Variants in KLF7 observed in about 807,000 individuals in gnomAD.
KLF7 encodes the protein KLF transcription factor 7.
A neutral mutation model predicts 27.3 loss-of-function variants in KLF7; 2 were observed. That is an observed-to-expected ratio of 0.07 (90% CI 0.03 to 0.23). The LOEUF (loss-of-function observed/expected upper bound fraction) is 0.23. KLF7 is among the 10% of genes least tolerant of loss of function. KLF7 has a pLI of 1.00. For synonymous variants in KLF7, 165 were observed against 162.4 expected, an observed-to-expected ratio of 1.02 and a Z score of -0.12; for missense variants, 221 against 394.1, an observed-to-expected ratio of 0.56 and a Z score of 3.72.
intron 2 of KLF7, among the ~76,000 whole-genome samples, chr2:207,114,610 T>A (rs2077128004): frequency 6.6e-6 from 1 of 152,212 alleles, no homozygotes; most frequent in African/African-American, 2.4e-5. Flanking sequence ...AATCCTGCAT[T>A]TTTTAGGGCA....
chr2:207,135,309 G>C (rs1006128530), intron 1 of KLF7, among the ~76,000 whole-genome samples: 2 of 134,072 alleles, frequency 1.5e-5, no homozygotes, highest in African/African-American at 2.5e-5. Flanking sequence ...TGCTGTCATT[G>C]AGTGGTTAAA....
chr2:207,172,767 A>C, the KLF7 span, among the ~76,000 whole-genome samples: 1 of 152,226 alleles, frequency 6.6e-6, no homozygotes, highest in Non-Finnish European at 1.5e-5. Context: ...TTAACTCTAC[A>C]AATCTCTATT....
chr2:207,110,237 G>A (rs571923940), intron 2 of KLF7, among the ~76,000 whole-genome samples: 13 of 152,350 alleles, frequency 8.5e-5, no homozygotes, highest in African/African-American at 2.9e-4. Flanking sequence ...AAAGCTTCCA[G>A]TATGCTCCTC....
At chr2:207,109,890 C>G (rs1027091217) in intron 2 of KLF7, 1 of 154,808 alleles carries the variant, frequency 6.5e-6, no homozygotes, top group Non-Finnish European at 1.5e-5. Context: ...TCACTAATGG[C>G]AATCTCTTCA....
At chr2:207,085,999 A>G (rs1216950740) in intron 3 of KLF7, among the ~76,000 whole-genome samples, 9 of 151,930 alleles carry the variant, frequency 5.9e-5, no homozygotes, top group African/African-American at 1.9e-4. Context: ...AAAAAAAAAA[A>G]AAACCAAACC....
At position 207,090,488 on chromosome 2, in the gene KLF7, C is replaced by T. The variant is rs189581937; in HGVS notation, c.734-1907G>A. On this transcript the variant is annotated intron_variant, in intron 2 of 3. Coordinates refer to ENST00000309446, the MANE Select transcript of KLF7 (RefSeq NM_003709.4). ...TATAGTGAGGTTTCAATCAGTTGTGCGTAAGAAACGTTTGTTCAGCCTTGC... is the reference window on the plus strand; with the variant it reads ...TATAGTGAGGTTTCAATCAGTTGTGTGTAAGAAACGTTTGTTCAGCCTTGC... Among the ~76,000 whole-genome samples, 12 of 152,196 alleles carry T rather than the reference C, an allele frequency of 7.9e-5. No homozygotes were observed. In the East Asian group the frequency reaches 2.1e-3, roughly 27 times the overall value.
chr2:207,119,937 A>T (rs1053664566), intron 2 of KLF7, among the ~76,000 whole-genome samples: 1 of 152,152 alleles, frequency 6.6e-6, no homozygotes, highest in Non-Finnish European at 1.5e-5. Context: ...CAGGTGATCC[A>T]CCTGCCTAGG....
chr2:207,097,588 G>A lies in KLF7; in HGVS notation c.734-9007C>T, dbSNP rs191777474. On this transcript the variant is annotated intron_variant, in intron 2 of 3. Transcript: ENST00000309446. ...CACGGGACTAAAGAAATCCTTTGGG[G>A]TCATGTGCCATTTTTAACAACTGTT... Among the ~76,000 whole-genome samples, 731 of 152,274 alleles carry A rather than the reference G, an allele frequency of 4.8e-3. 5 individuals carry two copies. Among genetic ancestry groups the A allele is most frequent in the Non-Finnish European group, 6.1e-3 (415 of 68,024 alleles).
At chr2:207,088,645 C>T in intron 2 of KLF7, 64 bp from the exon 3 acceptor site, 1 of 1,549,262 alleles carries the variant, frequency 6.5e-7, no homozygotes, top group Non-Finnish European at 8.8e-7. Context: ...ACCCAACCAG[C>T]CTGTGCTGCC....
intron 3 of KLF7, among the ~76,000 whole-genome samples, chr2:207,085,471 T>C (rs1479347976): frequency 3.3e-5 from 5 of 152,058 alleles, no homozygotes; most frequent in East Asian, 1.9e-4. Flanking sequence ...ACTCTGTGGG[T>C]TGAAAAACCA....
intron 1 of KLF7, among the ~76,000 whole-genome samples, chr2:207,156,553 T>G (rs2078389114): frequency 6.6e-6 from 1 of 152,242 alleles, no homozygotes; most frequent in Admixed American, 6.5e-5. Context: ...AAGGGCCTAC[T>G]GAGAATGAAT....
At chr2:207,135,481 A>G (rs1439455289) in intron 1 of KLF7, among the ~76,000 whole-genome samples, 1 of 77,654 alleles carries the variant, frequency 1.3e-5, no homozygotes, top group East Asian at 2.6e-4. Flanking sequence ...CAAGCCTCAC[A>G]ACATCTAAAA....
At chr2:207,093,854 G>A (rs2076566960) in intron 2 of KLF7, among the ~76,000 whole-genome samples, 1 of 152,186 alleles carries the variant, frequency 6.6e-6, no homozygotes, top group African/African-American at 2.4e-5. Flanking sequence ...TGTTTGCTTG[G>A]TTGCTTAAAT....
chr2:207,113,213 C>T (rs2077081815), intron 2 of KLF7, among the ~76,000 whole-genome samples: 2 of 152,288 alleles, frequency 1.3e-5, no homozygotes, highest in African/African-American at 2.4e-5. Flanking sequence ...TATTACTACT[C>T]ATATCAAAAT....
Position 207,076,642 on chromosome 2 carries a change from TG to T in KLF7, c.*4570del, listed in dbSNP as rs1227950581. 6.6e-6 allele frequency: 1 copy of T among 152,212 alleles called. No individual in the cohort carries two copies. The highest frequency in any genetic ancestry group is 1.5e-5 in the Non-Finnish European group (1 of 68,050). 9.4% of individuals were successfully genotyped at this position (152,212 alleles called of 1,614,324 possible). Reference sequence around the variant, plus strand: ...GTTTCTGCTTCCTTTCACACATTTCTGTTGTTCCATCTCAAGTATTCCCAAA... The same window carrying T: ...GTTTCTGCTTCCTTTCACACATTTCTTTGTTCCATCTCAAGTATTCCCAAA... On this transcript the variant is annotated 3_prime_UTR_variant, in exon 4 of 4. Transcript: ENST00000309446.
chr2:207,169,761 A>G (rs1240104013), upstream of KLF7, among the ~76,000 whole-genome samples: 1 of 152,156 alleles, frequency 6.6e-6, no homozygotes, highest in Non-Finnish European at 1.5e-5. Flanking sequence ...TGATATGGTG[A>G]TCTGTGATCA....
intron 1 of KLF7, among the ~76,000 whole-genome samples, chr2:207,128,186 C>T (rs543763961): frequency 2.0e-5 from 3 of 152,178 alleles, no homozygotes; most frequent in Non-Finnish European, 2.9e-5. Context: ...AGGAAGTGCT[C>T]ATAAAGTGAT....
intron 3 of KLF7, among the ~76,000 whole-genome samples, chr2:207,086,002 A>AC (rs60730549): frequency 1.3e-5 from 2 of 150,884 alleles, no homozygotes; most frequent in Non-Finnish European, 3.0e-5. Flanking sequence ...AAAAAAAAAA[A>AC]CCAAACCAAA....
chr2:207,165,760 G>A lies in KLF7; in HGVS notation c.-192C>T. ...GGAGAGGGAGAGAGGAGGTGAGAGA[G>A]GAGCGAGTGAGTGGGGTGGATGGAG... On this transcript the variant is annotated 5_prime_UTR_variant, in exon 1 of 4. Transcript: ENST00000309446. The A allele has an allele frequency of 7.0e-7, 1 of 1,436,524 alleles. No individual in the cohort carries two copies. The highest frequency in any genetic ancestry group is 9.1e-7 in the Non-Finnish European group (1 of 1,101,146). 89.0% of individuals were successfully genotyped at this position (1,436,524 alleles called of 1,614,324 possible).
Sources: allele counts gnomAD v4.1 joint callset (sites outside exome capture counted in the v4.1 genomes callset), GRCh38; gene constraint gnomAD v4.1.1; transcripts MANE v1.5; gene names NCBI Gene and HGNC (gene_info 2026-07-23, HGNC 2026-07-21).